The following CLVS1 variants were observed in gnomAD, a reference collection of about 807,000 sequenced individuals.
CLVS1 encodes clavesin-1.
Under a neutral mutation model 33.1 loss-of-function variants are expected in CLVS1, and 10 were observed. The observed-to-expected ratio is 0.30, with a 90% CI of 0.19 to 0.51. The LOEUF (loss-of-function observed/expected upper bound fraction) is 0.51, where lower values mean the gene tolerates loss of function less well. Ranked by LOEUF, CLVS1 falls within the 20% of genes least tolerant of loss-of-function variation. CLVS1 has a pLI of 0.97. For missense variants in CLVS1, 343 were observed against 433.4 expected (o/e 0.79, Z 1.85); for synonymous variants, 163 against 166.1 (o/e 0.98, Z 0.14).
upstream of CLVS1, among the ~76,000 whole-genome samples, chr8:61,286,790 A>AT (rs1809791119): frequency 6.6e-6 from 1 of 152,254 alleles, no homozygotes; most frequent in Non-Finnish European, 1.5e-5. Flanking sequence ...CTTTAAGCAA[A>AT]TACAAGTAAG....
chr8:61,143,009 G>A (rs1806338093), intron 2 of CLVS1, among the ~76,000 whole-genome samples: 1 of 152,168 alleles, frequency 6.6e-6, no homozygotes, highest in African/African-American at 2.4e-5. Flanking sequence ...AACTAGATGA[G>A]TTAAATTGTT....
the CLVS1 span, among the ~76,000 whole-genome samples, chr8:61,035,187 C>CTTTTTTTTTTTTTTTTTTTTTTTTT: frequency 5.4e-5 from 7 of 129,408 alleles, no homozygotes; most frequent in Non-Finnish European, 9.6e-5. Context: ...TTTCTTTTTT[C>CTTTTTTTTTTTTTTTTTTTTTTTTT]TTTTTTTTTT....
At chr8:61,483,262 C>A (rs1803737773) in intron 5 of CLVS1, among the ~76,000 whole-genome samples, 1 of 152,132 alleles carries the variant, frequency 6.6e-6, no homozygotes, top group African/African-American at 2.4e-5. Context: ...AAAAGGATAT[C>A]ACCACCAATC....
Position 61,366,620 on chromosome 8 carries a change from C to G in CLVS1, c.456-9985C>G, listed in dbSNP as rs112001755. ...CAGTGTTGGTCAAGGCAAGTTGGCA[C>G]CATGCCTACCTTCCTTCTTTCGCTA... is the stretch of plus-strand genomic sequence containing the variant. On this transcript the variant is annotated intron_variant, in intron 2 of 5. Transcript: ENST00000325897. Among the ~76,000 whole-genome samples the G allele has an allele frequency of 7.9e-3, 1,199 of 152,312 alleles. 17 individuals carry two copies. Among genetic ancestry groups the G allele is most frequent in the African/African-American group, 0.027 (1,117 of 41,554 alleles).
chr8:61,481,240 G>A (rs886685701), intron 5 of CLVS1, among the ~76,000 whole-genome samples: 1 of 152,150 alleles, frequency 6.6e-6, no homozygotes, highest in African/African-American at 2.4e-5. Context: ...ATAAAATAGG[G>A]GGAGGTTCCA....
chr8:60,969,565 C>A, the CLVS1 span, among the ~76,000 whole-genome samples: 1 of 152,108 alleles, frequency 6.6e-6, no homozygotes, highest in Admixed American at 6.5e-5. Flanking sequence ...CCATCATGGC[C>A]AGGAACTCAG....
chr8:61,347,071 T>C (rs1375325798), intron 2 of CLVS1, among the ~76,000 whole-genome samples: 2 of 152,128 alleles, frequency 1.3e-5, no homozygotes, highest in African/African-American at 4.8e-5. Context: ...CTAAGGAGCA[T>C]GAATCACAAG....
intron 1 of CLVS1, among the ~76,000 whole-genome samples, chr8:61,070,651 G>A (rs941571525): frequency 6.6e-6 from 1 of 151,870 alleles, no homozygotes; most frequent in African/African-American, 2.4e-5. Flanking sequence ...ATTAGGCTGG[G>A]GAACATTGGG....
At chr8:61,075,453 T>C (rs1804893777) in intron 1 of CLVS1, among the ~76,000 whole-genome samples, 1 of 152,234 alleles carries the variant, frequency 6.6e-6, no homozygotes, top group Non-Finnish European at 1.5e-5. Flanking sequence ...GGATCTGAGC[T>C]GTGCTAAGAG....
chr8:61,312,658 T>C (rs750291669), intron 2 of CLVS1, among the ~76,000 whole-genome samples: 1 of 152,200 alleles, frequency 6.6e-6, no homozygotes, highest in Non-Finnish European at 1.5e-5. Context: ...TTAATAATGC[T>C]CCCAGGCATT....
chr8:60,992,686 C>G, the CLVS1 span, among the ~76,000 whole-genome samples: 2 of 152,200 alleles, frequency 1.3e-5, no homozygotes, highest in Admixed American at 1.3e-4. Flanking sequence ...ATGGAGGTAT[C>G]TACAAGCATT....
At chr8:61,373,379 T>C (rs1204167132) in intron 2 of CLVS1, among the ~76,000 whole-genome samples, 2 of 152,220 alleles carry the variant, frequency 1.3e-5, no homozygotes, top group Non-Finnish European at 2.9e-5. Flanking sequence ...ACCTTTTACT[T>C]TTCTCCTGGG....
intron 1 of CLVS1, among the ~76,000 whole-genome samples, chr8:61,093,418 C>T (rs1425113266): frequency 2.6e-5 from 4 of 152,060 alleles, no homozygotes; most frequent in Admixed American, 1.3e-4. Flanking sequence ...TGTGGGGGTC[C>T]AAAAACTGTG....
At chr8:61,400,830 C>G (rs1814720016) in intron 3 of CLVS1, among the ~76,000 whole-genome samples, 1 of 152,044 alleles carries the variant, frequency 6.6e-6, no homozygotes, top group South Asian at 2.1e-4. Context: ...TGTGATGAAT[C>G]ACATTTATTG....
the CLVS1 span, among the ~76,000 whole-genome samples, chr8:60,982,168 T>C: frequency 1.3e-5 from 2 of 152,200 alleles, no homozygotes; most frequent in African/African-American, 4.8e-5. Context: ...ACAAAGTAAT[T>C]AAATCAAGCT....
chr8:61,241,698 G>C (rs4738877), intron 2 of CLVS1, among the ~76,000 whole-genome samples: 1 of 152,108 alleles, frequency 6.6e-6, no homozygotes, highest in East Asian at 1.9e-4. Context: ...TAAAATGAGC[G>C]TATATCATAC....
At chr8:61,109,486 A>G (rs751502456) in intron 1 of CLVS1, among the ~76,000 whole-genome samples, 1 of 152,118 alleles carries the variant, frequency 6.6e-6, no homozygotes, top group Non-Finnish European at 1.5e-5. Context: ...AATAACATAA[A>G]TATTTATAAA....
chr8:61,283,022 G>A (rs187741705), upstream of CLVS1, among the ~76,000 whole-genome samples: 87 of 152,302 alleles, frequency 5.7e-4, 1 homozygote, highest in Admixed American at 3.1e-3. Flanking sequence ...ATTGGATAAC[G>A]GGGGAAGGAG....
chr8:61,232,016 A>G (rs1371225940), intron 2 of CLVS1, among the ~76,000 whole-genome samples: 2 of 62,820 alleles, frequency 3.2e-5, no homozygotes, highest in African/African-American at 1.2e-4. Flanking sequence ...CCCTGAGGAA[A>G]GTTGTGGTTT....
Sources: allele counts gnomAD v4.1 joint callset (sites outside exome capture counted in the v4.1 genomes callset), GRCh38; gene constraint gnomAD v4.1.1; transcripts MANE v1.5; gene names NCBI Gene and HGNC (gene_info 2026-07-23, HGNC 2026-07-21).